CCBE1: variants seen among roughly 807,000 people sequenced by gnomAD.
CCBE1 encodes collagen and calcium-binding EGF domain-containing protein 1.
A neutral mutation model predicts 50.0 loss-of-function variants in CCBE1; 37 were observed. The observed-to-expected ratio is 0.74, with a 90% CI of 0.57 to 0.97. CCBE1 has a LOEUF of 0.97. CCBE1 is among the 50% of genes least tolerant of loss of function. CCBE1 has a pLI of 0.00. For missense variants in CCBE1, 538 were observed against 523.8 expected (o/e 1.03, Z -0.26); for synonymous variants, 234 against 203.7 (o/e 1.15, Z -1.27).
intron 2 of CCBE1, among the ~76,000 whole-genome samples, chr18:59,595,530 A>G (rs2053338507): frequency 1.3e-5 from 2 of 152,188 alleles, no homozygotes; most frequent in Non-Finnish European, 2.9e-5. Flanking sequence ...CCCTTTTACC[A>G]TCACCATTAC....
intron 3 of CCBE1, among the ~76,000 whole-genome samples, chr18:59,479,015 A>G (rs1413028764): frequency 6.6e-6 from 1 of 152,226 alleles, no homozygotes; most frequent in East Asian, 1.9e-4. Flanking sequence ...AACCTTCCAC[A>G]GAAAACAGCG....
chr18:59,628,707 C>G (rs1599079087), intron 2 of CCBE1, among the ~76,000 whole-genome samples: 1 of 152,200 alleles, frequency 6.6e-6, no homozygotes, highest in Non-Finnish European at 1.5e-5. Context: ...AAGTCAGCTC[C>G]TCACCCGAGG....
intron 2 of CCBE1, among the ~76,000 whole-genome samples, chr18:59,628,565 A>AT (rs1363843906): frequency 6.6e-6 from 1 of 152,194 alleles, no homozygotes; most frequent in African/African-American, 2.4e-5. Flanking sequence ...AACCACCGCG[A>AT]TGTCCATGGC....
intron 2 of CCBE1, among the ~76,000 whole-genome samples, chr18:59,645,796 C>T (rs2054047485): frequency 6.6e-6 from 1 of 152,136 alleles, no homozygotes; most frequent in Non-Finnish European, 1.5e-5. Flanking sequence ...CTTTGGGAGG[C>T]CAAGGTGGGC....
chr18:59,493,114 G>A (rs140392556), intron 2 of CCBE1, among the ~76,000 whole-genome samples: 1 of 152,350 alleles, frequency 6.6e-6, no homozygotes, highest in East Asian at 1.9e-4. Context: ...CTGCAGGTCA[G>A]TCACTTGAGA....
intron 5 of CCBE1, among the ~76,000 whole-genome samples, chr18:59,460,170 G>T (rs565500822): frequency 9.9e-5 from 15 of 152,170 alleles, no homozygotes; most frequent in Non-Finnish European, 1.9e-4. Flanking sequence ...CAGACAGCTT[G>T]TCTCACTGAG....
At chr18:59,467,200 A>G (rs1303814630) in intron 4 of CCBE1, among the ~76,000 whole-genome samples, 2 of 152,242 alleles carry the variant, frequency 1.3e-5, no homozygotes, top group Non-Finnish European at 2.9e-5. Context: ...ATAACAATGA[A>G]GCCTGCCCTA....
intron 4 of CCBE1, 93 bp downstream of exon 4, chr18:59,469,380 A>G: frequency 1.3e-6 from 2 of 1,531,860 alleles, no homozygotes; most frequent in Non-Finnish European, 9.0e-7. Context: ...ACTCCATCCA[A>G]CAAGTATGAG....
rs367834239 is a variant in CCBE1, at chr18:59,486,668, G to T, written c.213-6430C>A. Among the ~76,000 whole-genome samples, 4 of 152,252 alleles carry T rather than the reference G, an allele frequency of 2.6e-5. No individual in the cohort carries two copies. In the East Asian group the frequency reaches 7.7e-4, roughly 29 times the overall value. ...GTCCTCCCTGCAGAACCTCAGCAAG[G>T]CTTAGAAACCAGAAGCACCAGCTAT... On this transcript the variant is annotated intron_variant, in intron 2 of 10. Coordinates refer to ENST00000439986, the MANE Select transcript of CCBE1 (RefSeq NM_133459.4).
intron 2 of CCBE1, among the ~76,000 whole-genome samples, chr18:59,542,187 A>AAT (rs1915494731): frequency 6.6e-6 from 1 of 151,584 alleles, no homozygotes; most frequent in Admixed American, 6.6e-5. Context: ...AAAAAAAAAA[A>AAT]AATTCCCTAC....
intron 2 of CCBE1, among the ~76,000 whole-genome samples, chr18:59,503,898 C>T (rs1322865036): frequency 6.6e-6 from 1 of 152,194 alleles, no homozygotes; most frequent in Non-Finnish European, 1.5e-5. Context: ...ATGGGTACAA[C>T]TCAGAAGATC....
At chr18:59,546,288 T>TGTA (rs879788076) in intron 2 of CCBE1, among the ~76,000 whole-genome samples, 4 of 152,276 alleles carry the variant, frequency 2.6e-5, no homozygotes, top group Non-Finnish European at 5.9e-5. Context: ...TGTTCGTATC[T>TGTA]GTAGTAGACT....
intron 2 of CCBE1, among the ~76,000 whole-genome samples, chr18:59,552,372 C>T (rs1212091681): frequency 6.6e-6 from 1 of 152,212 alleles, no homozygotes; most frequent in Admixed American, 6.5e-5. Context: ...AGTGTTTCGT[C>T]AGAGGGTCAG....
chr18:59,536,756 G>A (rs2564472), intron 2 of CCBE1, among the ~76,000 whole-genome samples: 3,160 of 152,236 alleles, frequency 0.021, 104 homozygotes, highest in African/African-American at 0.071. Context: ...CTAGGAGGCC[G>A]AGGTGGGCAG....
intron 2 of CCBE1, among the ~76,000 whole-genome samples, chr18:59,569,635 TAA>T (rs34318969): frequency 2.4e-4 from 35 of 146,970 alleles, no homozygotes; most frequent in Middle Eastern, 3.6e-3. Context: ...CCCGCCCTTT[TAA>T]AAAAAAAAAA....
chr18:59,638,098 CAAGAA>C (rs1248797773), intron 2 of CCBE1, among the ~76,000 whole-genome samples: 2 of 152,080 alleles, frequency 1.3e-5, no homozygotes, highest in Non-Finnish European at 2.9e-5. Context: ...TCACCATGTA[CAAGAA>C]AAGTAAGGCA....
chr18:59,578,958 A>G (rs970860282), intron 2 of CCBE1, among the ~76,000 whole-genome samples: 1 of 152,220 alleles, frequency 6.6e-6, no homozygotes, highest in Non-Finnish European at 1.5e-5. Context: ...TAATTTTTTA[A>G]AAAAGATACT....
At position 59,554,293 on chromosome 18, in the gene CCBE1, A is replaced by G. The variant is rs571050204; in HGVS notation, c.213-74055T>C. On this transcript the variant is annotated intron_variant, in intron 2 of 10. Transcript: ENST00000439986. ...CATGCCCAGACTGGAACCAGAGCAT[A>G]CTTCTGTCCAGGTCAAAAGCTTGAA... 1.4e-4 allele frequency among the ~76,000 whole-genome samples: 21 copies of G among 152,306 alleles called. 1 individual carries two copies. The highest frequency in any genetic ancestry group is 3.4e-3 in the Middle Eastern group (1 of 294).
intron 6 of CCBE1, among the ~76,000 whole-genome samples, chr18:59,448,931 C>T (rs1910804602): frequency 6.6e-6 from 1 of 152,134 alleles, no homozygotes; most frequent in Non-Finnish European, 1.5e-5. Context: ...AATAGACCAC[C>T]ACAACCTGCA....
Sources: allele counts gnomAD v4.1 joint callset (sites outside exome capture counted in the v4.1 genomes callset), GRCh38; gene constraint gnomAD v4.1.1; transcripts MANE v1.5; gene names NCBI Gene and HGNC (gene_info 2026-07-23, HGNC 2026-07-21).